VAMP1: variants seen among roughly 807,000 people sequenced by gnomAD.
VAMP1 encodes vesicle-associated membrane protein 1.
In VAMP1, 16 loss-of-function variants were observed where a neutral mutation model predicts 19.1. That is an observed-to-expected ratio of 0.84 (90% CI 0.57 to 1.27). VAMP1 has a LOEUF of 1.27. Ranked by LOEUF, VAMP1 falls within the 50% of genes most tolerant of loss-of-function variation. The pLI, the probability that VAMP1 is intolerant of heterozygous loss-of-function variation, is 0.00. For synonymous variants in VAMP1, 37 were observed against 50.2 expected (o/e 0.74, Z 1.11); for missense variants, 109 against 145.4 (o/e 0.75, Z 1.29).
chr12:6,463,900 T>G lies in VAMP1; in HGVS notation c.*570A>C. On this transcript the variant is annotated 3_prime_UTR_variant, in exon 5 of 5. Coordinates refer to ENST00000396308, the MANE Select transcript of VAMP1 (RefSeq NM_014231.5). This position sits in a 1 kb window ranked among gnomAD's most constrained non-coding sequence, Gnocchi z 4.0. ...CCTGGACGAACAGATTAGAAATAAC[T>G]ACAAAAAACAAGTTTTTACTTTCGA... is the stretch of plus-strand genomic sequence containing the variant. 1 of 1,285,854 alleles carries G rather than the reference T, an allele frequency of 7.8e-7. No individual in the cohort carries two copies. The highest frequency in any genetic ancestry group is 1.2e-5 in the South Asian group (1 of 80,378). 79.7% of individuals were successfully genotyped at this position (1,285,854 alleles called of 1,614,324 possible). A position where few individuals can be genotyped will look rare whatever the true frequency, so the allele number is the denominator to read the frequency against.
intron 3 of VAMP1, chr12:6,465,416 A>ATATATATAAATGTATATATATGTG (rs1565526278): frequency 1.1e-5 from 1 of 93,504 alleles, no homozygotes; most frequent in Non-Finnish European, 1.9e-5. Context: ...ATATATATGT[A>ATATATATAAATGTATATATATGTG]TATATATATA....
In VAMP1 at chr12:6,463,168, G is replaced by T. The variant is rs1592144317; in HGVS notation, c.*1302C>A. On this transcript the variant is annotated 3_prime_UTR_variant, in exon 5 of 5. Transcript: ENST00000396308. The surrounding 1 kb of genome is among the most constrained non-coding windows in gnomAD (Gnocchi z 4.0). ...CTATACACACAAACCATGCAAAGAG[G>T]AGGAAGAGAAAGGAGGCAAAGTAGA... 1 of 1,443,128 alleles carries T rather than the reference G, an allele frequency of 6.9e-7. No individual in the cohort carries two copies. The highest frequency in any genetic ancestry group is 9.1e-7 in the Non-Finnish European group (1 of 1,102,642). The allele number at this position is 1,443,128 out of a possible 1,614,324, so 89.4% of individuals were successfully genotyped here. A position where few individuals can be genotyped will look rare whatever the true frequency, so the allele number is the denominator to read the frequency against.
At chr12:6,466,678 GCAA>G (rs1028735326) in intron 1 of VAMP1, 19 of 223,964 alleles carry the variant, frequency 8.5e-5, no homozygotes, top group Admixed American at 1.1e-4. Context: ...GAAAGACTCT[GCAA>G]CAACATTTGG....
chr12:6,470,147 G>A (rs1440370948), intron 1 of VAMP1, among the ~76,000 whole-genome samples: 1 of 152,184 alleles, frequency 6.6e-6, no homozygotes, highest in East Asian at 1.9e-4. Context: ...CTGAGGCGCT[G>A]AGTAGTGATT....
Position 6,470,612 on chromosome 12 carries a change from T to C in VAMP1, c.-81A>G, listed in dbSNP as rs1205605466. 7.0e-6 allele frequency: 11 copies of C among 1,580,866 alleles called. No homozygotes were observed. The highest frequency in any genetic ancestry group is 1.7e-4 in the Middle Eastern group (1 of 6,018). ...CCGGTGAGGGACGCTGCGGCTGAAG[T>C]GGACGGAACTGCCAAGCTCCGCCTC... On this transcript the variant is annotated 5_prime_UTR_variant, in exon 1 of 5. Transcript: ENST00000396308.
intron 4 of VAMP1, 33 bp downstream of exon 4, chr12:6,464,857 C>G (rs761483184): frequency 1.1e-5 from 17 of 1,613,780 alleles, no homozygotes; most frequent in East Asian, 2.2e-5. Flanking sequence ...CTTCCCACCT[C>G]TTCACCCCAC....
intron 1 of VAMP1, among the ~76,000 whole-genome samples, chr12:6,469,007 T>C (rs1408537879): frequency 1.3e-5 from 2 of 152,176 alleles, no homozygotes; most frequent in African/African-American, 2.4e-5. Context: ...ATAGAACTAA[T>C]ACCCAGAAGC....
At chr12:6,465,803 A>T in intron 3 of VAMP1, 39 bp downstream of exon 3, 2 of 1,610,022 alleles carry the variant, frequency 1.2e-6, no homozygotes, top group Non-Finnish European at 1.7e-6. Context: ...TACCAGTGGA[A>T]GCCCAGGAAA....
Position 6,462,847 on chromosome 12 carries a change from G to C in VAMP1, c.*1623C>G, listed in dbSNP as rs746408132. ...TTCCAGCTCTTCAGTCCCGCCCTTG[G>C]GCAGGACGAAGGGAATGTGGGAAAC... On this transcript the variant is annotated 3_prime_UTR_variant, in exon 5 of 5. Coordinates refer to ENST00000396308, the MANE Select transcript of VAMP1 (RefSeq NM_014231.5). 18 of 1,606,496 alleles carry C rather than the reference G, an allele frequency of 1.1e-5. No individual in the cohort carries two copies. Among genetic ancestry groups the C allele is most frequent in the Non-Finnish European group, 1.4e-5 (16 of 1,176,478 alleles).
At chr12:6,468,178 G>A (rs937724769) in intron 1 of VAMP1, among the ~76,000 whole-genome samples, 14 of 152,356 alleles carry the variant, frequency 9.2e-5, no homozygotes, top group African/African-American at 2.6e-4. Flanking sequence ...TGCACCGTGC[G>A]CCTGGAAAAG....
Position 6,462,985 on chromosome 12 carries a change from G to T in VAMP1, c.*1485C>A. The T allele has an allele frequency of 6.4e-7, 1 of 1,551,190 alleles. No individual in the cohort carries two copies. The highest frequency in any genetic ancestry group is 8.7e-7 in the Non-Finnish European group (1 of 1,147,132). ...CAGCCTCTTCCTGTTCGTGGACCGA[G>T]GGAAGAAGGAATAAAGGGCCATGGG... On this transcript the variant is annotated 3_prime_UTR_variant, in exon 5 of 5. Transcript: ENST00000396308.
Position 6,465,826 on chromosome 12 carries a change from G to A in VAMP1, c.288+16C>T, listed in dbSNP as rs1336111436. ...GAAGCCCAGGAAAAGATGGAGGAGG[G>A]GACAAGAAAATTCACCTTGCAGTTT... On this transcript the variant is annotated intron_variant, in intron 3 of 4. Coordinates refer to ENST00000396308, the MANE Select transcript of VAMP1 (RefSeq NM_014231.5). 4.3e-6 allele frequency: 7 copies of A among 1,613,134 alleles called. No individual in the cohort carries two copies. The Admixed American group carries it at 8.3e-5, about 19-fold the overall frequency.
intron 3 of VAMP1, 52 bp from the exon 4 acceptor site, chr12:6,464,993 A>C: frequency 1.9e-6 from 3 of 1,609,752 alleles, no homozygotes; most frequent in Non-Finnish European, 1.7e-6. Context: ...AATGAGGAAA[A>C]GAGCCACATC....
At position 6,462,960 on chromosome 12, in the gene VAMP1, C is replaced by T; in HGVS notation, c.*1510G>A. 3 of 1,553,322 alleles carry T rather than the reference C, an allele frequency of 1.9e-6. No homozygotes were observed. The highest frequency in any genetic ancestry group is 1.7e-6 in the Non-Finnish European group (2 of 1,148,006). ...ATCCAGACCCTGCCCAGCATGGCCTCAGCCTCTTCCTGTTCGTGGACCGAG... is the reference window on the plus strand; with the variant it reads ...ATCCAGACCCTGCCCAGCATGGCCTTAGCCTCTTCCTGTTCGTGGACCGAG... On this transcript the variant is annotated 3_prime_UTR_variant, in exon 5 of 5. Transcript: ENST00000396308.
intron 3 of VAMP1, 97 bp downstream of exon 3, chr12:6,465,745 G>A: frequency 2.0e-6 from 3 of 1,476,962 alleles, no homozygotes; most frequent in South Asian, 1.3e-5. Context: ...GAGAGATCCT[G>A]CACCATTAGA....
rs528880310 is a variant in VAMP1, at chr12:6,470,618, G to A, written c.-87C>T. ...AGGGACGCTGCGGCTGAAGTGGACG[G>A]AACTGCCAAGCTCCGCCTCGCGCCG... On this transcript the variant is annotated 5_prime_UTR_variant, in exon 1 of 5. Transcript: ENST00000396308. 94 of 1,567,926 alleles carry A rather than the reference G, an allele frequency of 6.0e-5. No homozygotes were observed. In the Admixed American group the frequency reaches 7.5e-4, roughly 13 times the overall value.
At chr12:6,470,428 G>A (rs1479762211) in intron 1 of VAMP1, 102 bp downstream of exon 1, 38 of 1,558,032 alleles carry the variant, frequency 2.4e-5, no homozygotes, top group Non-Finnish European at 3.2e-5. Flanking sequence ...TCCCCGCGTT[G>A]CTGCAGCTGC....
Position 6,463,440 on chromosome 12 carries a change from G to C in VAMP1, c.*1030C>G, listed in dbSNP as rs1179148160. On this transcript the variant is annotated 3_prime_UTR_variant, in exon 5 of 5. Transcript: ENST00000396308. The surrounding 1 kb of genome is among the most constrained non-coding windows in gnomAD (Gnocchi z 4.0). ...TGGCAAGTGCACGGGTGGTGTGGAG[G>C]AAAGGATTCCATGGGTGTCCAAAGA... The C allele has an allele frequency of 9.6e-7, 1 of 1,045,400 alleles. No homozygotes were observed. Among genetic ancestry groups the C allele is most frequent in the East Asian group, 9.0e-5 (1 of 11,146 alleles). 64.8% of individuals were successfully genotyped at this position (1,045,400 alleles called of 1,614,324 possible).
In VAMP1 at chr12:6,463,863, G is replaced by C; in HGVS notation, c.*607C>G. On this transcript the variant is annotated 3_prime_UTR_variant, in exon 5 of 5. Coordinates refer to ENST00000396308, the MANE Select transcript of VAMP1 (RefSeq NM_014231.5). The surrounding 1 kb of genome is among the most constrained non-coding windows in gnomAD (Gnocchi z 4.0). ...AAAGTAAAGTTGTAAGATCCCCAAA[G>C]ACACGGAAAATCCTGGACGAACAGA... The C allele has an allele frequency of 2.4e-6, 3 of 1,262,906 alleles. No individual in the cohort carries two copies. The South Asian group carries it at 3.9e-5, about 16-fold the overall frequency. The allele number at this position is 1,262,906 out of a possible 1,614,324, so 78.2% of individuals were successfully genotyped here. A position where few individuals can be genotyped will look rare whatever the true frequency, so the allele number is the denominator to read the frequency against.
Sources: allele counts gnomAD v4.1 joint callset (sites outside exome capture counted in the v4.1 genomes callset), GRCh38; gene constraint gnomAD v4.1.1; non-coding constraint Gnocchi (gnomAD v3.1); transcripts MANE v1.5; gene names NCBI Gene and HGNC (gene_info 2026-07-23, HGNC 2026-07-21).